Variants in PTPRT observed in about 807,000 individuals in gnomAD.
The protein encoded by PTPRT is protein tyrosine phosphatase receptor type T, also known as receptor-type tyrosine-protein phosphatase T.
In PTPRT, 56 loss-of-function variants were observed where a neutral mutation model predicts 176.8. That is an observed-to-expected ratio of 0.32 (90% confidence interval 0.26 to 0.40). The LOEUF is 0.40. PTPRT is among the 10% of genes least tolerant of loss of function. PTPRT has a pLI of 1.00. For synonymous variants in PTPRT, 783 were observed against 739.0 expected, an observed-to-expected ratio of 1.06 and a Z score of -0.96; for missense variants, 1,540 against 1,908.2, an observed-to-expected ratio of 0.81 and a Z score of 3.60.
downstream of PTPRT, among the ~76,000 whole-genome samples, chr20:42,069,975 A>G (rs1464932782): frequency 2.0e-5 from 3 of 152,202 alleles, no homozygotes; most frequent in African/African-American, 4.8e-5. Flanking sequence ...CAGTCCTGTC[A>G]TTAAATTTCA....
At chr20:42,527,699 C>G (rs1454004149) in intron 7 of PTPRT, among the ~76,000 whole-genome samples, 1 of 152,144 alleles carries the variant, frequency 6.6e-6, no homozygotes. Flanking sequence ...GGAGGCTTTT[C>G]ACAAGCCTAA....
chr20:42,508,944 T>C (rs2071901674), intron 7 of PTPRT, among the ~76,000 whole-genome samples: 1 of 142,672 alleles, frequency 7.0e-6, no homozygotes, highest in South Asian at 2.1e-4. Context: ...TTTATAAATA[T>C]AATTTATATT....
chr20:42,256,135 T>C (rs2056634310), intron 13 of PTPRT, among the ~76,000 whole-genome samples: 1 of 152,174 alleles, frequency 6.6e-6, no homozygotes, highest in African/African-American at 2.4e-5. Context: ...TCTCTGATTA[T>C]GGGGGTTTTG....
At position 42,665,144 on chromosome 20, in the gene PTPRT, C is replaced by G. The variant is rs561770052; in HGVS notation, c.1153+12722G>C. Reference sequence around the variant, plus strand: ...AGCTTCTGCACAGCAAAAGAAACTACCATCAGAGTGAACAGGCAACCTACA... The same window carrying G: ...AGCTTCTGCACAGCAAAAGAAACTAGCATCAGAGTGAACAGGCAACCTACA... On this transcript the variant is annotated intron_variant, in intron 7 of 30. Transcript: ENST00000373187. Among the ~76,000 whole-genome samples the G allele has an allele frequency of 1.4e-4, 22 of 151,902 alleles. No homozygotes were observed. In the East Asian group the frequency reaches 3.7e-3, roughly 25 times the overall value.
chr20:42,727,928 G>A (rs966453194), intron 6 of PTPRT, among the ~76,000 whole-genome samples: 1 of 151,990 alleles, frequency 6.6e-6, no homozygotes, highest in African/African-American at 2.4e-5. Context: ...TTGTGCATGA[G>A]CAGCACCAAA....
Position 43,104,733 on chromosome 20 carries a change from G to A in PTPRT, c.88+84913C>T, listed in dbSNP as rs938453101. Among the ~76,000 whole-genome samples, 3 of 152,248 alleles carry A rather than the reference G, an allele frequency of 2.0e-5. No homozygotes were observed. The East Asian group carries it at 5.8e-4, about 29-fold the overall frequency. On this transcript the variant is annotated intron_variant, in intron 1 of 30. Transcript: ENST00000373187. ...TAACATGGCAGACAGACTGACAAAAGTATAATCCCAGCTCCATAATTCAGT... is the reference window on the plus strand; with the variant it reads ...TAACATGGCAGACAGACTGACAAAAATATAATCCCAGCTCCATAATTCAGT...
chr20:42,385,555 A>G (rs1402038405), intron 9 of PTPRT, among the ~76,000 whole-genome samples: 1 of 152,254 alleles, frequency 6.6e-6, no homozygotes, highest in Non-Finnish European at 1.5e-5. Flanking sequence ...TACATTTCAT[A>G]GTACTGTGTT....
At chr20:42,923,619 C>T (rs1377336107) in intron 1 of PTPRT, among the ~76,000 whole-genome samples, 1 of 152,164 alleles carries the variant, frequency 6.6e-6, no homozygotes, top group Non-Finnish European at 1.5e-5. Context: ...TCTATTTTGC[C>T]TTTAAGAAAA....
Position 42,312,391 on chromosome 20 carries a change from T to C in PTPRT, c.2139+3332A>G, listed in dbSNP as rs538898933. ...CATCATTGTCTGCTGCCCTTTATGA[T>C]ATGGAAAAATTTGAGAGGGACCAGG... On this transcript the variant is annotated intron_variant, in intron 12 of 30. Coordinates refer to ENST00000373187, the MANE Select transcript of PTPRT (RefSeq NM_007050.6). 7.2e-5 allele frequency among the ~76,000 whole-genome samples: 11 copies of C among 152,282 alleles called. No individual in the cohort carries two copies. The East Asian group carries it at 2.1e-3, about 29-fold the overall frequency.
chr20:42,198,321 C>T (rs1371154994), intron 16 of PTPRT, among the ~76,000 whole-genome samples: 1 of 152,120 alleles, frequency 6.6e-6, no homozygotes, highest in Non-Finnish European at 1.5e-5. Context: ...TTTTTTCTTT[C>T]TTTCTTTATC....
chr20:42,334,121 A>AT lies in PTPRT; in HGVS notation c.1865+16506dup, dbSNP rs567076487. ...AAGATCAAGAACCTGTGAATCATAC[A>AT]TTTTTTTAAAAAAAAGTCTATTAAG... On this transcript the variant is annotated intron_variant, in intron 11 of 30. Transcript: ENST00000373187. Among the ~76,000 whole-genome samples the AT allele has an allele frequency of 1.5e-3, 225 of 152,202 alleles. 1 individual carries two copies. The highest frequency in any genetic ancestry group is 5.2e-3 in the African/African-American group (217 of 41,534).
intron 1 of PTPRT, among the ~76,000 whole-genome samples, chr20:43,133,838 G>A (rs1391758483): frequency 6.6e-6 from 1 of 152,002 alleles, no homozygotes; most frequent in Non-Finnish European, 1.5e-5. Flanking sequence ...ACAAATTGCT[G>A]GCTCCCACTC....
chr20:42,232,285 G>A lies in PTPRT; in HGVS notation c.2342+3944C>T, dbSNP rs73268886. Among the ~76,000 whole-genome samples the A allele has an allele frequency of 3.7e-3, 556 of 152,328 alleles. 6 individuals carry two copies. The highest frequency in any genetic ancestry group is 0.012 in the African/African-American group (501 of 41,578). On this transcript the variant is annotated intron_variant, in intron 15 of 30. Coordinates refer to ENST00000373187, the MANE Select transcript of PTPRT (RefSeq NM_007050.6). ...TCATTAAAAGGACCAGGTGGCCCCT[G>A]ATACCTATGAGGAGGGTATTACTTT... is the stretch of plus-strand genomic sequence containing the variant.
chr20:42,393,639 C>A (rs1325691212), intron 9 of PTPRT, among the ~76,000 whole-genome samples: 1 of 152,090 alleles, frequency 6.6e-6, no homozygotes, highest in African/African-American at 2.4e-5. Context: ...AGTAAAGTAC[C>A]ATATTTATTG....
intron 8 of PTPRT, among the ~76,000 whole-genome samples, chr20:42,464,355 T>C (rs2071070368): frequency 6.6e-6 from 1 of 152,184 alleles, no homozygotes; most frequent in Non-Finnish European, 1.5e-5. Context: ...GATAATAAAG[T>C]AATCAATATA....
At chr20:43,013,981 G>T (rs1420529479) in intron 1 of PTPRT, among the ~76,000 whole-genome samples, 1 of 152,184 alleles carries the variant, frequency 6.6e-6, no homozygotes, top group African/African-American at 2.4e-5. Flanking sequence ...ATAAGGCGAG[G>T]TCACTTATTG....
chr20:42,705,236 G>T (rs554059923), intron 6 of PTPRT, among the ~76,000 whole-genome samples: 2 of 152,170 alleles, frequency 1.3e-5, no homozygotes, highest in East Asian at 3.9e-4. Flanking sequence ...TGTTACACAC[G>T]TCCATATAAA....
At chr20:42,451,979 T>G (rs191458485) in intron 8 of PTPRT, among the ~76,000 whole-genome samples, 1 of 151,922 alleles carries the variant, frequency 6.6e-6, no homozygotes, top group African/African-American at 2.4e-5. Context: ...AGAAAAAGAT[T>G]CAAAATAGAG....
chr20:42,239,767 A>G (rs1025922025), intron 14 of PTPRT, among the ~76,000 whole-genome samples: 4 of 152,142 alleles, frequency 2.6e-5, no homozygotes, highest in Admixed American at 2.6e-4. Flanking sequence ...TTTCAAGGAC[A>G]GAAGAAAATG....
Sources: gnomAD v4.1 joint callset for allele counts (sites outside exome capture counted in the v4.1 genomes callset) on GRCh38, gnomAD v4.1.1 for gene constraint, MANE v1.5 for transcripts, NCBI Gene and HGNC (gene_info 2026-07-23, HGNC 2026-07-21) for gene names.